The following GNL3L variants were observed in gnomAD, a reference collection of about 807,000 sequenced individuals.
GNL3L encodes guanine nucleotide-binding protein-like 3-like protein.
GNL3L carries 4 observed loss-of-function variants against 42.9 expected under a neutral mutation model. The ratio of observed to expected loss-of-function variants is 0.09; its 90% confidence interval spans 0.05 to 0.21. The LOEUF (loss-of-function observed/expected upper bound fraction) is 0.21. GNL3L is among the 10% of genes least tolerant of loss of function. The pLI, the probability that GNL3L is intolerant of heterozygous loss-of-function variation, is 1.00. For missense variants in GNL3L, 412 were observed against 481.7 expected, an observed-to-expected ratio of 0.86 and a Z score of 1.36; for synonymous variants, 159 against 176.3, an observed-to-expected ratio of 0.90 and a Z score of 0.78.
At position 54,562,392 on chromosome X, in the gene GNL3L, G is replaced by A. The variant is rs769636463; in HGVS notation, c.*1790G>A. Among the ~76,000 whole-genome samples the A allele has an allele frequency of 4.5e-5, 5 of 111,773 alleles. No homozygotes were observed. Among genetic ancestry groups the A allele is most frequent in the Admixed American group, 2.9e-4 (3 of 10,483 alleles). ...ACCTTTGCCTCTGCCTCTCAAGCTGGTACCTCCTAATTTACATCCTAAGAG... is the reference window on the plus strand; with the variant it reads ...ACCTTTGCCTCTGCCTCTCAAGCTGATACCTCCTAATTTACATCCTAAGAG... On this transcript the variant is annotated 3_prime_UTR_variant, in exon 16 of 16. Transcript: ENST00000360845.
intron 16 of GNL3L, among the ~76,000 whole-genome samples, chrX:54,618,509 G>C (rs1441515070): frequency 1.8e-5 from 2 of 111,652 alleles, no homozygotes; most frequent in South Asian, 3.8e-4. Context: ...TTGGAGTCTA[G>C]TTCTGATCAC....
intron 16 of GNL3L, among the ~76,000 whole-genome samples, chrX:54,611,624 A>C (rs1926162387): frequency 8.9e-6 from 1 of 112,053 alleles, no homozygotes; most frequent in Non-Finnish European, 1.9e-5. Flanking sequence ...ATTCAGGAGC[A>C]GATTATTTAA....
chrX:54,619,410 T>A (rs1470896611), intron 16 of GNL3L, among the ~76,000 whole-genome samples: 4 of 111,577 alleles, frequency 3.6e-5, no homozygotes, highest in Non-Finnish European at 7.5e-5. Context: ...TAAATAATTA[T>A]TTTTTGTATA....
At chrX:54,628,745 C>T in the GNL3L span, among the ~76,000 whole-genome samples, 1 of 106,527 alleles carries the variant, frequency 9.4e-6, no homozygotes, top group Non-Finnish European at 1.9e-5. Flanking sequence ...TGTTTGAATT[C>T]CTTGTAAATT....
Position 54,539,111 on chromosome X carries a change from G to C in GNL3L, c.81+10G>C, listed in dbSNP as rs527472644. On this transcript the variant is annotated intron_variant, in intron 3 of 15. Transcript: ENST00000360845. ...TTGGCCCTACCCTCAGGTAAGGTAT[G>C]CCTGTTGTTGAGGGTAAGGTCAAGA... The C allele has an allele frequency of 9.6e-7, 1 of 1,037,314 alleles. No homozygotes were observed. The highest frequency in any genetic ancestry group is 2.0e-5 in the South Asian group (1 of 49,602). The allele number at this position is 1,037,314 out of a possible 1,213,427, so 85.5% of individuals were successfully genotyped here.
chrX:54,592,136 G>A (rs1925879174), intron 16 of GNL3L, among the ~76,000 whole-genome samples: 1 of 111,525 alleles, frequency 9.0e-6, no homozygotes, highest in Non-Finnish European at 1.9e-5. Flanking sequence ...ATATAGAAAT[G>A]CTACTGATTT....
chrX:54,543,486 GC>G (rs965530244), intron 7 of GNL3L, 144 bp downstream of exon 7: 22 of 593,672 alleles, frequency 3.7e-5, no homozygotes, highest in Non-Finnish European at 5.9e-5. Context: ...GATTTTCAAA[GC>G]CTGTATCACA....
chrX:54,631,148 C>T, the GNL3L span, among the ~76,000 whole-genome samples: 1 of 111,071 alleles, frequency 9.0e-6, no homozygotes, highest in Non-Finnish European at 1.9e-5. Flanking sequence ...TGTTTTGTGG[C>T]CTATCATATG....
chrX:54,633,249 T>C, the GNL3L span, among the ~76,000 whole-genome samples: 2 of 112,098 alleles, frequency 1.8e-5, no homozygotes, highest in Non-Finnish European at 3.8e-5. Flanking sequence ...ATTCTGGCCC[T>C]CTGGTTAGTC....
In GNL3L at chrX:54,551,057, A is replaced by G; in HGVS notation, c.863+7A>G. ...CTGTTCCTGGAATTACCAAGTAAGC[A>G]CCTGCCTGCTCCTCCACTCCACAAT... On this transcript the variant is annotated splice_region_variant and intron_variant, in intron 10 of 15. Transcript: ENST00000360845. The G allele has an allele frequency of 1.0e-6, 1 of 955,966 alleles. No individual in the cohort carries two copies. Among genetic ancestry groups the G allele is most frequent in the Non-Finnish European group, 1.5e-6 (1 of 662,618 alleles). 78.8% of individuals were successfully genotyped at this position (955,966 alleles called of 1,213,427 possible).
chrX:54,589,391 C>G (rs1169412968), intron 16 of GNL3L, among the ~76,000 whole-genome samples: 1 of 110,727 alleles, frequency 9.0e-6, no homozygotes, highest in Non-Finnish European at 1.9e-5. Context: ...TCCCAATCCC[C>G]CATTACCCTT....
chrX:54,594,670 T>G (rs1174119276), intron 16 of GNL3L, among the ~76,000 whole-genome samples: 1 of 110,954 alleles, frequency 9.0e-6, no homozygotes, highest in Non-Finnish European at 1.9e-5. Context: ...GTTTTTTGGT[T>G]GTTTTGTGGT....
intron 16 of GNL3L, among the ~76,000 whole-genome samples, chrX:54,588,733 G>A (rs1925823515): frequency 8.9e-6 from 1 of 111,733 alleles, no homozygotes; most frequent in African/African-American, 3.3e-5. Flanking sequence ...GCTGAGGCAG[G>A]AGAATCATTT....
intron 16 of GNL3L, among the ~76,000 whole-genome samples, chrX:54,615,384 A>G (rs957821709): frequency 8.9e-6 from 1 of 112,092 alleles, no homozygotes; most frequent in African/African-American, 3.2e-5. Flanking sequence ...ATGAACATAC[A>G]GGTACATGTA....
rs1172527598 is a variant in GNL3L, at chrX:54,600,206, C to CTTT, written c.*46-20604_*46-20602dup. Among the ~76,000 whole-genome samples the CTTT allele has an allele frequency of 2.2e-4, 3 of 13,401 alleles. 1 individual carries two copies. The highest frequency in any genetic ancestry group is 4.0e-4 in the Non-Finnish European group (3 of 7,487). 11.6% of individuals were successfully genotyped at this position (13,401 alleles called of 115,157 possible). ...CTCTAGATTTTATTCCAATCTGCTGCTTTTTTTTTTTTTTTTTTTTTTTTT... is the reference window on the plus strand; with the variant it reads ...CTCTAGATTTTATTCCAATCTGCTGCTTTTTTTTTTTTTTTTTTTTTTTTTTTT... On this transcript the variant is annotated intron_variant, in intron 16 of 16. Coordinates refer to the GNL3L transcript ENST00000674498.
intron 16 of GNL3L, among the ~76,000 whole-genome samples, chrX:54,595,840 C>T (rs1925924741): frequency 8.9e-6 from 1 of 112,049 alleles, no homozygotes. Flanking sequence ...TTCAATATGC[C>T]ACTTGGATTT....
chrX:54,570,465 A>T (rs1021964736), downstream of GNL3L, among the ~76,000 whole-genome samples: 1 of 111,997 alleles, frequency 8.9e-6, no homozygotes, highest in African/African-American at 3.2e-5. Flanking sequence ...CATAGGCAGC[A>T]TATAGTTGGT....
rs765544013 is a variant in GNL3L, at chrX:54,587,974, C to T, written c.*45+27327C>T. Among the ~76,000 whole-genome samples, 651 of 112,160 alleles carry T rather than the reference C, an allele frequency of 5.8e-3. 3 individuals are homozygous for T. Among genetic ancestry groups the T allele is most frequent in the Non-Finnish European group, 8.8e-3 (471 of 53,230 alleles). ...AGATTACAGGCGTGAGCCACTGTGC[C>T]TGGCCAGGGTTGTACTTTTAATTTC... On this transcript the variant is annotated intron_variant, in intron 16 of 16. Transcript: ENST00000674498.
chrX:54,579,580 A>T (rs1039419568), intron 16 of GNL3L, among the ~76,000 whole-genome samples: 6 of 110,433 alleles, frequency 5.4e-5, no homozygotes, highest in Non-Finnish European at 1.1e-4. Flanking sequence ...TTTTGTGGAG[A>T]TGAGGTCTTG....
Sources: allele counts gnomAD v4.1 joint callset (sites outside exome capture counted in the v4.1 genomes callset), GRCh38; gene constraint gnomAD v4.1.1; transcripts MANE v1.5; gene names NCBI Gene and HGNC (gene_info 2026-07-23, HGNC 2026-07-21).